The following GRIK3 variants were observed in gnomAD, a reference collection of about 807,000 sequenced individuals.
The protein encoded by GRIK3 is glutamate ionotropic receptor kainate type subunit 3.
A neutral mutation model predicts 102.5 loss-of-function variants in GRIK3; 29 were observed. That is an observed-to-expected ratio of 0.28 (90% CI 0.21 to 0.39). GRIK3 has a LOEUF of 0.39. GRIK3 is among the 10% of genes least tolerant of loss of function. The pLI is 1.00. For missense variants in GRIK3, 908 were observed against 1,252.4 expected (o/e 0.73, Z 4.15); for synonymous variants, 511 against 504.9 (o/e 1.01, Z -0.16).
Position 36,880,755 on chromosome 1 carries a change from G to A in GRIK3, c.429C>T (p.Asp143=). 1 of 1,614,182 alleles carries A rather than the reference G, an allele frequency of 6.2e-7. No homozygotes were observed. Among genetic ancestry groups the A allele is most frequent in the Non-Finnish European group, 8.5e-7 (1 of 1,180,008 alleles). The change falls in exon 3 of 16, where the codon GAC becomes GAT. Residue 143 remains aspartate, a synonymous_variant. Transcript: ENST00000373091. The surrounding 1 kb of genome is among the most constrained non-coding windows in gnomAD (Gnocchi z 5.4). ...GGTTCACGTAGAAGGTGTCCTTGTT[G>A]TCCAGCGGGTGGTGCTTCCAACGCA... ...IQLRWKHHPL[D]NKDTFYVNLY...
At chr1:36,821,164 A>G (rs1237164170) in intron 11 of GRIK3, among the ~76,000 whole-genome samples, 2 of 152,254 alleles carry the variant, frequency 1.3e-5, no homozygotes, top group Non-Finnish European at 2.9e-5. Context: ...ATTGATTACC[A>G]GTGGTCATGT....
At chr1:36,982,301 A>AG (rs1180463809) in intron 1 of GRIK3, among the ~76,000 whole-genome samples, 2 of 152,172 alleles carry the variant, frequency 1.3e-5, no homozygotes, top group African/African-American at 4.8e-5. Flanking sequence ...TGTGGTCCTC[A>AG]GGGGCAGGGT....
chr1:36,853,865 A>C, intron 7 of GRIK3, 143 bp from the exon 8 acceptor site: 1 of 633,742 alleles, frequency 1.6e-6, no homozygotes. Flanking sequence ...CACCTCCATC[A>C]TTGCTCGGGC....
chr1:37,009,771 G>GGGGCT (rs1188089753), intron 1 of GRIK3, among the ~76,000 whole-genome samples: 3 of 152,208 alleles, frequency 2.0e-5, no homozygotes, highest in Admixed American at 6.5e-5. Flanking sequence ...GTATGCAAAT[G>GGGGCT]GGGCTGGGCT....
At chr1:36,891,984 C>G (rs1392743) in intron 1 of GRIK3, among the ~76,000 whole-genome samples, 128,029 of 152,144 alleles carry the variant, frequency 0.84, 54,865 homozygotes, top group Admixed American at 0.92. Context: ...AATAATAAAC[C>G]AAATGAGAAG....
At chr1:36,833,300 T>C (rs528266409) in intron 10 of GRIK3, among the ~76,000 whole-genome samples, 2 of 152,298 alleles carry the variant, frequency 1.3e-5, no homozygotes, top group East Asian at 3.9e-4. Flanking sequence ...GCTTGTGCCC[T>C]GGCCCCGGAT....
intron 1 of GRIK3, among the ~76,000 whole-genome samples, chr1:36,997,808 C>G (rs1642436150): frequency 6.6e-6 from 1 of 152,116 alleles, no homozygotes; most frequent in Non-Finnish European, 1.5e-5. Flanking sequence ...TGGAAAGGAC[C>G]AAGGGTGACC....
At chr1:36,984,196 G>A (rs987825051) in intron 1 of GRIK3, among the ~76,000 whole-genome samples, 1 of 151,268 alleles carries the variant, frequency 6.6e-6, no homozygotes, top group Non-Finnish European at 1.5e-5. Flanking sequence ...ACACTCACAC[G>A]TTTGCACACA....
intron 1 of GRIK3, among the ~76,000 whole-genome samples, chr1:37,032,497 G>T (rs760054310): frequency 7.0e-6 from 1 of 143,246 alleles, no homozygotes; most frequent in Admixed American, 6.7e-5. Flanking sequence ...GGGGGGGGAA[G>T]GGGAGGCTTC....
chr1:36,866,729 G>A (rs928889234), intron 5 of GRIK3, among the ~76,000 whole-genome samples: 4 of 152,232 alleles, frequency 2.6e-5, no homozygotes, highest in Admixed American at 1.3e-4. Context: ...GAGTGGAAGA[G>A]TCTCAATTCT....
intron 1 of GRIK3, among the ~76,000 whole-genome samples, chr1:37,028,750 T>C (rs1219073217): frequency 6.6e-6 from 1 of 152,202 alleles, no homozygotes; most frequent in African/African-American, 2.4e-5. Context: ...ACACCATACT[T>C]CTTATCCCAC....
At chr1:36,901,618 C>T (rs910081015) in intron 1 of GRIK3, among the ~76,000 whole-genome samples, 1 of 152,192 alleles carries the variant, frequency 6.6e-6, no homozygotes, top group African/African-American at 2.4e-5. Flanking sequence ...TGACATCATA[C>T]ATAATAGTGA....
intron 13 of GRIK3, among the ~76,000 whole-genome samples, chr1:36,807,156 C>T (rs1259312518): frequency 6.6e-6 from 1 of 152,108 alleles, no homozygotes; most frequent in Non-Finnish European, 1.5e-5. Context: ...GACACTGTTG[C>T]TTGAGCAGAA....
rs149959490 is a variant in GRIK3, at chr1:36,840,578, T to A, written c.1530+1158A>T. ...AAAAAAAAAAAAAAAAAAAAAAAAA[T>A]TAGCCAGGTGGAGTGCCTCGTGCCT... On this transcript the variant is annotated intron_variant, in intron 10 of 15. Transcript: ENST00000373091. Among the ~76,000 whole-genome samples, 82 of 38,004 alleles carry A rather than the reference T, an allele frequency of 2.2e-3. 3 individuals are homozygous for A. The highest frequency in any genetic ancestry group is 7.0e-3 in the African/African-American group (52 of 7,414). 24.9% of individuals were successfully genotyped at this position (38,004 alleles called of 152,430 possible). A position where few individuals can be genotyped will look rare whatever the true frequency, so the allele number is the denominator to read the frequency against.
At chr1:36,910,568 T>TG (rs1187066653) in intron 1 of GRIK3, among the ~76,000 whole-genome samples, 5 of 144,410 alleles carry the variant, frequency 3.5e-5, no homozygotes, top group Admixed American at 1.4e-4. Flanking sequence ...GCAGCAGTGG[T>TG]GGGGGGGCGG....
At chr1:36,865,313 T>G (rs1640771301) in intron 5 of GRIK3, among the ~76,000 whole-genome samples, 1 of 152,220 alleles carries the variant, frequency 6.6e-6, no homozygotes, top group Non-Finnish European at 1.5e-5. Flanking sequence ...AATTAAAATA[T>G]CTTCTGCATG....
Position 36,797,284 on chromosome 1 carries a change from ATATATATATATATATACAG to A in GRIK3, c.*4548_*4566del, listed in dbSNP as rs1379013423. The A allele has an allele frequency of 1.5e-5, 2 of 137,740 alleles. No individual in the cohort carries two copies. Among genetic ancestry groups the A allele is most frequent in the Non-Finnish European group, 3.1e-5 (2 of 65,182 alleles). 8.5% of individuals were successfully genotyped at this position (137,740 alleles called of 1,614,324 possible). A position where few individuals can be genotyped will look rare whatever the true frequency, so the allele number is the denominator to read the frequency against. On this transcript the variant is annotated 3_prime_UTR_variant, in exon 16 of 16. Transcript: ENST00000373091. ...GCTACAGGTCATATATACACTGTGC[ATATATATATATATATACAG>A]TATATATATATATTTTACATTCATA...
At chr1:36,862,785 A>G (rs1640741716) in intron 5 of GRIK3, among the ~76,000 whole-genome samples, 2 of 152,110 alleles carry the variant, frequency 1.3e-5, no homozygotes, top group South Asian at 4.1e-4. Context: ...TACCATATAG[A>G]GTTGTCAAGG....
intron 1 of GRIK3, among the ~76,000 whole-genome samples, chr1:36,989,991 C>G (rs565067567): frequency 1.2e-4 from 19 of 152,294 alleles, no homozygotes; most frequent in Admixed American, 5.9e-4. Context: ...AATGGAAGCA[C>G]AGGGAGGCTA....
Sources: gnomAD v4.1 joint callset for allele counts (sites outside exome capture counted in the v4.1 genomes callset) on GRCh38, gnomAD v4.1.1 for gene constraint, Gnocchi (gnomAD v3.1) non-coding constraint, MANE v1.5 for transcripts, NCBI Gene and HGNC (gene_info 2026-07-23, HGNC 2026-07-21) for gene names.